The following MYO3A variants were observed in gnomAD, a reference collection of about 807,000 sequenced individuals.
MYO3A encodes myosin IIIA.
Under a neutral mutation model 192.7 loss-of-function variants are expected in MYO3A, and 180 were observed. The observed-to-expected ratio is 0.93, with a 90% confidence interval of 0.83 to 1.06. MYO3A has a LOEUF of 1.06. Ranked by LOEUF, MYO3A falls within the 50% of genes least tolerant of loss-of-function variation. The probability of loss-of-function intolerance (pLI) is 0.00; values close to 1 mark genes in which losing one functional copy is unlikely to be tolerated. For missense variants in MYO3A, 1,896 were observed against 1,905.0 expected (o/e 1.00, Z 0.09); for synonymous variants, 628 against 645.3 (o/e 0.97, Z 0.41).
Position 26,202,973 on chromosome 10 carries a change from A to C in MYO3A, c.4596A>C (p.Lys1532Asn). 1 of 1,613,676 alleles carries C rather than the reference A, an allele frequency of 6.2e-7. No homozygotes were observed. Among genetic ancestry groups the C allele is most frequent in the South Asian group, 1.1e-5 (1 of 91,064 alleles). ...ATGTGTTCATTTACAGTCAGGGAAA[A>C]TTATTAGATTTGGAAGATTTCTATT... ...KRRPRKDSQG[K>N]LLDLEDFYYK... The change falls in exon 34 of 35, where the codon AAA becomes AAC. Residue 1532 changes from lysine to asparagine, a missense_variant. Physicochemically the swap from Lys to Asn is moderately conservative, Grantham distance 94. Transcript: ENST00000642920.
At chr10:26,177,637 C>T (rs987861012) in intron 31 of MYO3A, among the ~76,000 whole-genome samples, 3 of 152,220 alleles carry the variant, frequency 2.0e-5, no homozygotes, top group East Asian at 3.9e-4. Flanking sequence ...AGGAGTCCCA[C>T]GACTTTGAAC....
intron 31 of MYO3A, among the ~76,000 whole-genome samples, chr10:26,179,664 T>C (rs895805120): frequency 1.3e-5 from 2 of 152,364 alleles, no homozygotes; most frequent in Admixed American, 6.5e-5. Context: ...CCTAGTGTTT[T>C]ATGCAAACAC....
chr10:25,986,634 T>C (rs914374388), intron 4 of MYO3A, among the ~76,000 whole-genome samples: 2 of 151,826 alleles, frequency 1.3e-5, no homozygotes, highest in Non-Finnish European at 2.9e-5. Flanking sequence ...AAATAAACTA[T>C]TTAGGAATAT....
intron 10 of MYO3A, among the ~76,000 whole-genome samples, chr10:26,034,929 G>A (rs1484647817): frequency 6.0e-5 from 9 of 149,734 alleles, no homozygotes; most frequent in African/African-American, 2.0e-4. Context: ...CATGAAGCGT[G>A]TGTGTGTGTG....
At chr10:26,118,426 C>A (rs1388727402) in intron 17 of MYO3A, among the ~76,000 whole-genome samples, 2 of 152,160 alleles carry the variant, frequency 1.3e-5, no homozygotes, top group African/African-American at 2.4e-5. Flanking sequence ...TTACTTCTTT[C>A]CATCTCTACC....
chr10:26,199,513 TGAGCC>T (rs1485113396), intron 32 of MYO3A, among the ~76,000 whole-genome samples: 1 of 151,762 alleles, frequency 6.6e-6, no homozygotes, highest in Admixed American at 6.6e-5. Flanking sequence ...GAAGTTGCAG[TGAGCC>T]GAGATTGCAC....
At chr10:25,946,703 C>T (rs937412944) in intron 2 of MYO3A, among the ~76,000 whole-genome samples, 1 of 151,314 alleles carries the variant, frequency 6.6e-6, no homozygotes, top group Admixed American at 6.6e-5. Context: ...CACGGTGAAA[C>T]CCCATCTCTA....
intron 4 of MYO3A, among the ~76,000 whole-genome samples, chr10:25,986,887 A>G (rs1478242913): frequency 1.3e-5 from 2 of 152,242 alleles, no homozygotes; most frequent in Non-Finnish European, 2.9e-5. Context: ...GAACCAAAAA[A>G]GAGCCCAAAT....
chr10:26,176,009 A>G (rs1286353846), intron 30 of MYO3A, among the ~76,000 whole-genome samples: 4 of 152,190 alleles, frequency 2.6e-5, no homozygotes, highest in Non-Finnish European at 5.9e-5. Context: ...AAGACTGGAA[A>G]GAAGGCCGGG....
At chr10:26,159,420 C>T (rs369176761) in intron 26 of MYO3A, among the ~76,000 whole-genome samples, 39 of 147,762 alleles carry the variant, frequency 2.6e-4, no homozygotes, top group Admixed American at 1.0e-3. Context: ...AGTGCAGTGG[C>T]GCAATCTTGG....
Position 26,095,031 on chromosome 10 carries a change from G to C in MYO3A, c.1563-1350G>C, listed in dbSNP as rs1404739335. Reference sequence around the variant, plus strand: ...GATAAAGGCTGTGGAGGGGGTGAAGGAAAGGAGCAGGGCAAGAGGGGATGC... The same window carrying C: ...GATAAAGGCTGTGGAGGGGGTGAAGCAAAGGAGCAGGGCAAGAGGGGATGC... On this transcript the variant is annotated intron_variant, in intron 15 of 34. Coordinates refer to ENST00000642920, the MANE Select transcript of MYO3A (RefSeq NM_017433.5). Among the ~76,000 whole-genome samples the C allele has an allele frequency of 3.9e-5, 6 of 152,252 alleles. 1 individual carries two copies. In the East Asian group the frequency reaches 1.2e-3, roughly 29 times the overall value.
At chr10:26,197,308 CT>C (rs34934022) in intron 32 of MYO3A, among the ~76,000 whole-genome samples, 24,936 of 152,032 alleles carry the variant, frequency 0.16, 2,655 homozygotes, top group African/African-American at 0.3. Flanking sequence ...AGTTTCAGTC[CT>C]TTTTTTGAGG....
intron 34 of MYO3A, among the ~76,000 whole-genome samples, chr10:26,209,354 A>C (rs1564648691): frequency 6.6e-6 from 1 of 152,226 alleles, no homozygotes; most frequent in Non-Finnish European, 1.5e-5. Context: ...AACATGATGC[A>C]TTCAGATCCA....
rs769898251 is a variant in MYO3A, at chr10:26,026,530, C to T, written c.951C>T (p.Ala317=). Residue 317 remains alanine (A), a splice_region_variant and synonymous_variant, in exon 10 of 35, where the codon GCC becomes GCT. Coordinates refer to ENST00000642920, the MANE Select transcript of MYO3A (RefSeq NM_017433.5). ...AATGCATGGGAGGCACAGAAAAGGCCAGGTAATCAAATAATATCTTGATTC... is the reference window on the plus strand; with the variant it reads ...AATGCATGGGAGGCACAGAAAAGGCTAGGTAATCAAATAATATCTTGATTC... The part of the protein sequence containing the change: ...IHQCMGGTEK[A]RRERIHTKKG... The T allele has an allele frequency of 7.4e-6, 12 of 1,613,872 alleles. No individual in the cohort carries two copies. In the Admixed American group the frequency reaches 1.3e-4, roughly 18 times the overall value.
intron 16 of MYO3A, 39 bp downstream of exon 16, chr10:26,096,518 A>C: frequency 6.2e-7 from 1 of 1,601,098 alleles, no homozygotes; most frequent in Non-Finnish European, 8.6e-7. Context: ...TAATACTTTC[A>C]CTTTTCCCTT....
chr10:26,121,940 A>C (rs1564570076), intron 18 of MYO3A, among the ~76,000 whole-genome samples: 1 of 152,212 alleles, frequency 6.6e-6, no homozygotes, highest in Non-Finnish European at 1.5e-5. Context: ...AGCCAATGTG[A>C]TAATACAGTA....
intron 27 of MYO3A, among the ~76,000 whole-genome samples, chr10:26,168,257 A>G (rs1841862349): frequency 6.6e-6 from 1 of 152,240 alleles, no homozygotes; most frequent in South Asian, 2.1e-4. Flanking sequence ...ACAGGTCTCA[A>G]TAACATTAAT....
intron 31 of MYO3A, among the ~76,000 whole-genome samples, chr10:26,184,008 C>A (rs1334246555): frequency 6.6e-6 from 1 of 152,090 alleles, no homozygotes; most frequent in Non-Finnish European, 1.5e-5. Flanking sequence ...GTTAGAGCCC[C>A]GGAATTCGAG....
intron 10 of MYO3A, among the ~76,000 whole-genome samples, chr10:26,065,838 C>CTTAGAT (rs370642822): frequency 8.9e-6 from 1 of 112,070 alleles, no homozygotes; most frequent in Non-Finnish European, 2.2e-5. Context: ...GAGCAGTGGG[C>CTTAGAT]CGGGCGCGGT....
Sources: gnomAD v4.1 joint callset for allele counts (sites outside exome capture counted in the v4.1 genomes callset) on GRCh38, gnomAD v4.1.1 for gene constraint, MANE v1.5 for transcripts, NCBI Gene and HGNC (gene_info 2026-07-23, HGNC 2026-07-21) for gene names.